The following SPIRE1 variants were observed in gnomAD, a reference collection of about 807,000 sequenced individuals.
The protein encoded by SPIRE1 is spire type actin nucleation factor 1, also known as protein spire homolog 1.
SPIRE1 carries 40 observed loss-of-function variants against 94.1 expected under a neutral mutation model. The ratio of observed to expected loss-of-function variants is 0.43; its 90% CI spans 0.33 to 0.55. The LOEUF is 0.55. Ranked by LOEUF, SPIRE1 falls within the 20% of genes least tolerant of loss-of-function variation. SPIRE1 has a pLI of 0.06. For missense variants in SPIRE1, 838 were observed against 975.2 expected (o/e 0.86, Z 1.87); for synonymous variants, 376 against 371.7 (o/e 1.01, Z -0.13).
intron 2 of SPIRE1, among the ~76,000 whole-genome samples, chr18:12,613,125 A>C (rs1471027125): frequency 1.3e-5 from 2 of 152,248 alleles, no homozygotes; most frequent in South Asian, 2.1e-4. Context: ...CCTAGATGAG[A>C]GCCTGGACAC....
At chr18:12,460,279 C>T (rs1420868278) in intron 12 of SPIRE1, among the ~76,000 whole-genome samples, 1 of 152,200 alleles carries the variant, frequency 6.6e-6, no homozygotes, top group Non-Finnish European at 1.5e-5. Context: ...CAGGCAGCCA[C>T]TTGCACCTGC....
intron 2 of SPIRE1, among the ~76,000 whole-genome samples, chr18:12,611,430 T>C (rs553737104): frequency 6.6e-6 from 1 of 152,204 alleles, no homozygotes; most frequent in Non-Finnish European, 1.5e-5. Flanking sequence ...AAGAAGCCTA[T>C]ATAGTAAGTA....
At chr18:12,593,574 A>G (rs2036589905) in intron 2 of SPIRE1, among the ~76,000 whole-genome samples, 1 of 152,234 alleles carries the variant, frequency 6.6e-6, no homozygotes, top group East Asian at 1.9e-4. Flanking sequence ...CCAGCATTAC[A>G]CAGGGCTGGG....
chr18:12,614,284 G>GA (rs1224906717), intron 2 of SPIRE1, among the ~76,000 whole-genome samples: 3 of 151,710 alleles, frequency 2.0e-5, no homozygotes, highest in Non-Finnish European at 4.4e-5. Context: ...ATAAAAACTG[G>GA]AAAAAAGATA....
In SPIRE1 at chr18:12,657,708, G is replaced by A. The variant is rs1294320555; in HGVS notation, c.159C>T (p.Ile53=). ...ACACGGCCCACGCCTGCTCCTCGTT[G>A]ATGGGCTGGTTGTACAGCCGCAGGA... ...EEILRLYNQP[I]NEEQAWAVCY... is the part of the protein sequence containing the mutation. Residue 53 remains isoleucine, a synonymous_variant, in exon 1 of 17, where the codon ATC becomes ATT. Coordinates refer to ENST00000409402, the MANE Select transcript of SPIRE1 (RefSeq NM_001128626.2). 1.4e-6 allele frequency: 2 copies of A among 1,407,116 alleles called. No individual in the cohort carries two copies. Among genetic ancestry groups the A allele is most frequent in the African/African-American group, 1.5e-5 (1 of 67,028 alleles). The allele number at this position is 1,407,116 out of a possible 1,614,324, so 87.2% of individuals were successfully genotyped here. A position where few individuals can be genotyped will look rare whatever the true frequency, so the allele number is the denominator to read the frequency against.
intron 2 of SPIRE1, among the ~76,000 whole-genome samples, chr18:12,616,070 C>T (rs547921814): frequency 6.6e-6 from 1 of 152,230 alleles, no homozygotes; most frequent in East Asian, 1.9e-4. Flanking sequence ...TATTAACAAG[C>T]TCTTTGAAGA....
chr18:12,485,058 T>G (rs1485327393), intron 9 of SPIRE1, among the ~76,000 whole-genome samples: 1 of 152,056 alleles, frequency 6.6e-6, no homozygotes, highest in Non-Finnish European at 1.5e-5. Context: ...AGGCACATAA[T>G]TATATATTAC....
intron 4 of SPIRE1, among the ~76,000 whole-genome samples, chr18:12,524,294 C>T (rs2034440806): frequency 6.6e-6 from 1 of 152,178 alleles, no homozygotes; most frequent in African/African-American, 2.4e-5. Flanking sequence ...CTAATCTGGG[C>T]ATCTATAATT....
intron 2 of SPIRE1, among the ~76,000 whole-genome samples, chr18:12,562,566 C>T (rs574683448): frequency 1.5e-4 from 22 of 150,636 alleles, no homozygotes; most frequent in Non-Finnish European, 2.4e-4. Flanking sequence ...TAAACATGTA[C>T]GATGGTAGTC....
At chr18:12,457,312 A>G (rs1265474391) in intron 12 of SPIRE1, among the ~76,000 whole-genome samples, 1 of 152,254 alleles carries the variant, frequency 6.6e-6, no homozygotes, top group Non-Finnish European at 1.5e-5. Flanking sequence ...AATGATAAAT[A>G]GTTACTAAAA....
chr18:12,471,827 CCT>C (rs1472163713), intron 10 of SPIRE1, among the ~76,000 whole-genome samples: 1 of 152,062 alleles, frequency 6.6e-6, no homozygotes, highest in African/African-American at 2.4e-5. Context: ...CTCTGTCACC[CCT>C]GTTGGAGTGC....
At chr18:12,660,387 T>C (rs889163341), upstream of SPIRE1, among the ~76,000 whole-genome samples, 3 of 151,754 alleles carry the variant, frequency 2.0e-5, no homozygotes, top group African/African-American at 7.3e-5. Context: ...AGTGCCGCGA[T>C]TTCAGCTCAC....
At chr18:12,462,739 G>GT in intron 12 of SPIRE1, among the ~76,000 whole-genome samples, 1 of 151,952 alleles carries the variant, frequency 6.6e-6, no homozygotes, top group South Asian at 2.1e-4. Flanking sequence ...TTTGCTAAGA[G>GT]TTTTTTTGGT....
intron 1 of SPIRE1, among the ~76,000 whole-genome samples, chr18:12,641,822 G>C (rs968122957): frequency 2.7e-5 from 4 of 148,100 alleles, no homozygotes; most frequent in Non-Finnish European, 4.5e-5. Flanking sequence ...AGGGAAAAAA[G>C]AATGTTATGC....
At chr18:12,644,198 CAA>C (rs58693692) in intron 1 of SPIRE1, among the ~76,000 whole-genome samples, 6 of 88,648 alleles carry the variant, frequency 6.8e-5, no homozygotes, top group Admixed American at 1.4e-4. Flanking sequence ...AACTCCATCT[CAA>C]AAAAAAAAAA....
chr18:12,646,178 TTGC>T (rs1056694400), intron 1 of SPIRE1, among the ~76,000 whole-genome samples: 27 of 152,144 alleles, frequency 1.8e-4, no homozygotes, highest in East Asian at 3.9e-4. Context: ...GCCTTTCCAC[TTGC>T]TGCTGCTGCT....
At chr18:12,600,477 A>C (rs2036801321) in intron 2 of SPIRE1, among the ~76,000 whole-genome samples, 1 of 152,196 alleles carries the variant, frequency 6.6e-6, no homozygotes, top group Non-Finnish European at 1.5e-5. Context: ...TGAAACTGTT[A>C]ATATCATGGT....
At chr18:12,638,689 G>A (rs1415989815) in intron 1 of SPIRE1, among the ~76,000 whole-genome samples, 1 of 152,112 alleles carries the variant, frequency 6.6e-6, no homozygotes, top group African/African-American at 2.4e-5. Flanking sequence ...GGGCCTGGTG[G>A]GAAGTGATTA....
chr18:12,462,023 C>G (rs919574107), intron 12 of SPIRE1, among the ~76,000 whole-genome samples: 1 of 152,146 alleles, frequency 6.6e-6, no homozygotes, highest in African/African-American at 2.4e-5. Context: ...TAGATTTTTA[C>G]GTTTGAATCT....
Sources: gnomAD v4.1 joint callset for allele counts (sites outside exome capture counted in the v4.1 genomes callset) on GRCh38, gnomAD v4.1.1 for gene constraint, MANE v1.5 for transcripts, NCBI Gene and HGNC (gene_info 2026-07-23, HGNC 2026-07-21) for gene names.